Variants in PLCG2 observed in about 807,000 individuals in gnomAD.
PLCG2 encodes the protein phospholipase C gamma 2, also known as 1-phosphatidylinositol 4,5-bisphosphate phosphodiesterase gamma-2.
In PLCG2, 69 loss-of-function variants were observed where a neutral mutation model predicts 175.6. That is an observed-to-expected ratio of 0.39 (90% confidence interval 0.32 to 0.48). PLCG2 has a LOEUF of 0.48. PLCG2 is among the 20% of genes least tolerant of loss of function. The pLI is 0.91. For missense variants in PLCG2, 1,798 were observed against 1,650.9 expected, an observed-to-expected ratio of 1.09 and a Z score of -1.54; for synonymous variants, 827 against 624.0, an observed-to-expected ratio of 1.33 and a Z score of -4.85.
chr16:81,893,685 G>T (rs369501516), intron 11 of PLCG2, 24 bp from the exon 12 acceptor site: 1 of 1,532,230 alleles, frequency 6.5e-7, no homozygotes, highest in Non-Finnish European at 9.0e-7. Context: ...ACTCTCACAC[G>T]GCCACCTGCC....
intron 2 of PLCG2, among the ~76,000 whole-genome samples, chr16:81,830,851 T>C (rs1047650336): frequency 2.0e-5 from 3 of 151,498 alleles, no homozygotes; most frequent in Non-Finnish European, 4.4e-5. Context: ...ACTGAGGGTA[T>C]ATGCAAGTGC....
At chr16:81,926,922 C>T (rs1489651212) in intron 22 of PLCG2, among the ~76,000 whole-genome samples, 160 bp from the exon 23 acceptor site, 1 of 152,162 alleles carries the variant, frequency 6.6e-6, no homozygotes, top group African/African-American at 2.4e-5. Flanking sequence ...ACAGCAGTTG[C>T]CTTTGAGATG....
intron 19 of PLCG2, among the ~76,000 whole-genome samples, chr16:81,915,628 G>A (rs972885400): frequency 6.6e-6 from 1 of 152,090 alleles, no homozygotes; most frequent in Non-Finnish European, 1.5e-5. Flanking sequence ...ACACTGTGCC[G>A]ACAGCTTACC....
chr16:81,867,624 T>G (rs1907306349), intron 5 of PLCG2, among the ~76,000 whole-genome samples: 1 of 152,224 alleles, frequency 6.6e-6, no homozygotes, highest in Non-Finnish European at 1.5e-5. Flanking sequence ...TATTGAAGTT[T>G]CAGCTTTTGT....
intron 17 of PLCG2, 149 bp downstream of exon 17, chr16:81,908,740 A>G: frequency 1.5e-6 from 1 of 658,180 alleles, no homozygotes; most frequent in East Asian, 2.9e-5. Context: ...GGCCGGGACA[A>G]GGGTGAGGTG....
In PLCG2 at chr16:81,909,008, G is replaced by C. The variant is rs570690360; in HGVS notation, c.1733+417G>C. On this transcript the variant is annotated intron_variant, in intron 17 of 32. Transcript: ENST00000564138. ...CTCCTCCATAAAACGAGGACTCTAGGGCTGTCCTTTTGAAGCCGTCATAGG... is the reference window on the plus strand; with the variant it reads ...CTCCTCCATAAAACGAGGACTCTAGCGCTGTCCTTTTGAAGCCGTCATAGG... 5.3e-5 allele frequency among the ~76,000 whole-genome samples: 8 copies of C among 152,242 alleles called. No individual in the cohort carries two copies. The South Asian group carries it at 1.7e-3, about 31-fold the overall frequency.
At chr16:81,739,890 C>G (rs1013416151) in intron 1 of PLCG2, among the ~76,000 whole-genome samples, 1 of 152,192 alleles carries the variant, frequency 6.6e-6, no homozygotes, top group Non-Finnish European at 1.5e-5. Flanking sequence ...GTAATCCCAG[C>G]GCTTTGGGAG....
At chr16:81,875,629 G>A (rs931284185) in intron 7 of PLCG2, among the ~76,000 whole-genome samples, 1 of 152,256 alleles carries the variant, frequency 6.6e-6, no homozygotes, top group African/African-American at 2.4e-5. Context: ...ATCAAGCAGC[G>A]TATCAGGTCA....
intron 2 of PLCG2, among the ~76,000 whole-genome samples, chr16:81,813,333 C>T (rs1280882359): frequency 1.3e-5 from 2 of 152,106 alleles, no homozygotes; most frequent in African/African-American, 4.8e-5. Context: ...TATTTGTGTC[C>T]TCTCTTATTT....
intron 14 of PLCG2, among the ~76,000 whole-genome samples, chr16:81,904,388 A>G (rs979461833): frequency 6.6e-6 from 1 of 152,214 alleles, no homozygotes; most frequent in Non-Finnish European, 1.5e-5. Context: ...ACCAGGTTAC[A>G]TGACCCTCAA....
At chr16:81,930,490 G>A (rs979342484) in intron 24 of PLCG2, among the ~76,000 whole-genome samples, 1 of 152,112 alleles carries the variant, frequency 6.6e-6, no homozygotes, top group Non-Finnish European at 1.5e-5. Flanking sequence ...GCTCATTCCT[G>A]TAATCCCAGC....
chr16:81,758,607 C>G (rs1050744508), intron 2 of PLCG2, among the ~76,000 whole-genome samples: 1 of 152,072 alleles, frequency 6.6e-6, no homozygotes, highest in Non-Finnish European at 1.5e-5. Flanking sequence ...ACATTTACTA[C>G]TCCCACCAGC....
At chr16:81,784,955 A>G (rs1910904741) in intron 1 of PLCG2, among the ~76,000 whole-genome samples, 1 of 152,138 alleles carries the variant, frequency 6.6e-6, no homozygotes, top group South Asian at 2.1e-4. Context: ...GGGAGGGACT[A>G]AGGGATTTTG....
intron 1 of PLCG2, among the ~76,000 whole-genome samples, chr16:81,741,737 G>C (rs1177823660): frequency 6.6e-6 from 1 of 152,154 alleles, no homozygotes; most frequent in Non-Finnish European, 1.5e-5. Flanking sequence ...CTTGAACCCG[G>C]GAGGCAGAGG....
At chr16:81,740,716 C>T (rs1403198981) in intron 1 of PLCG2, 7 of 97,612 alleles carry the variant, frequency 7.2e-5, no homozygotes, top group Non-Finnish European at 1.3e-4. Flanking sequence ...CAGAGCCAGA[C>T]TCCATCTCAA....
At chr16:81,797,788 T>C (rs1911537928) in intron 2 of PLCG2, among the ~76,000 whole-genome samples, 2 of 152,166 alleles carry the variant, frequency 1.3e-5, no homozygotes, top group Non-Finnish European at 2.9e-5. Context: ...CTGTGTGACC[T>C]TAGGCAATCT....
At chr16:81,780,503 C>T (rs116777059) in intron 1 of PLCG2, among the ~76,000 whole-genome samples, 4 of 152,202 alleles carry the variant, frequency 2.6e-5, no homozygotes, top group Non-Finnish European at 5.9e-5. Context: ...CAGCCTCAAG[C>T]AGTTTCTCTT....
chr16:81,753,988 C>T (rs1429247765), intron 1 of PLCG2, among the ~76,000 whole-genome samples: 1 of 152,080 alleles, frequency 6.6e-6, no homozygotes, highest in Non-Finnish European at 1.5e-5. Context: ...AGGCGCTGCC[C>T]TGTGTCTTCT....
chr16:81,914,474 G>A (rs1909757756), intron 19 of PLCG2, among the ~76,000 whole-genome samples: 1 of 152,162 alleles, frequency 6.6e-6, no homozygotes, highest in Admixed American at 6.5e-5. Context: ...GAAGAGGTTG[G>A]GTGGGTCCTC....
Sources: allele counts gnomAD v4.1 joint callset (sites outside exome capture counted in the v4.1 genomes callset), GRCh38; gene constraint gnomAD v4.1.1; transcripts MANE v1.5; gene names NCBI Gene and HGNC (gene_info 2026-07-23, HGNC 2026-07-21).